The following WFDC1 variants were observed in gnomAD, a reference collection of about 807,000 sequenced individuals.
The protein encoded by WFDC1 is WAP four-disulfide core domain 1, also known as WAP four-disulfide core domain protein 1.
WFDC1 carries 39 observed loss-of-function variants against 32.9 expected under a neutral mutation model. That is an observed-to-expected ratio of 1.19 (90% CI 0.92 to 1.55). The LOEUF is 1.55. Ranked by LOEUF, WFDC1 falls within the 40% of genes most tolerant of loss-of-function variation. The pLI is 0.00. For synonymous variants in WFDC1, 184 were observed against 137.4 expected (o/e 1.34, Z -2.37); for missense variants, 386 against 309.5 (o/e 1.25, Z -1.85).
intron 2 of WFDC1, 151 bp downstream of exon 2, chr16:84,313,304 C>A (rs945219492): frequency 2.2e-5 from 14 of 647,256 alleles, no homozygotes; most frequent in Non-Finnish European, 2.8e-5. Context: ...CTGGGACGGG[C>A]GCTCCTTGAG....
At chr16:84,305,618 T>C (rs1001161852) in intron 1 of WFDC1, among the ~76,000 whole-genome samples, 1 of 152,008 alleles carries the variant, frequency 6.6e-6, no homozygotes, top group Non-Finnish European at 1.5e-5. Context: ...TGGGAGTGAA[T>C]TGAGGGAGGA....
intron 1 of WFDC1, among the ~76,000 whole-genome samples, chr16:84,297,233 A>G (rs1323545305): frequency 6.6e-6 from 1 of 152,086 alleles, no homozygotes; most frequent in Non-Finnish European, 1.5e-5. Context: ...AGTGCTTTGA[A>G]TTGGCTCCTC....
chr16:84,321,471 C>T (rs902234002), intron 4 of WFDC1, among the ~76,000 whole-genome samples: 1 of 152,128 alleles, frequency 6.6e-6, no homozygotes, highest in Non-Finnish European at 1.5e-5. Context: ...GTTGTGAGTT[C>T]GTTGGGCTAT....
chr16:84,322,672 A>C (rs1379673084), intron 4 of WFDC1, among the ~76,000 whole-genome samples: 1 of 152,228 alleles, frequency 6.6e-6, no homozygotes, highest in African/African-American at 2.4e-5. Flanking sequence ...GGGTACCAAT[A>C]GTCCTTCAAG....
chr16:84,294,906 C>G lies in WFDC1; in HGVS notation c.-66C>G. The G allele has an allele frequency of 6.4e-7, 1 of 1,567,706 alleles. No homozygotes were observed. Among genetic ancestry groups the G allele is most frequent in the Non-Finnish European group, 8.6e-7 (1 of 1,157,576 alleles). On this transcript the variant is annotated 5_prime_UTR_variant, in exon 1 of 7. Transcript: ENST00000219454. ...CTGTGCACGCTCCTGTCCCCACTCA[C>G]AGGCCCACGCAGCGAGGGGGGCCCC... is the stretch of plus-strand genomic sequence containing the variant.
intron 5 of WFDC1, chr16:84,325,827 CATCT>C (rs1011251198): frequency 6.6e-6 from 1 of 152,200 alleles, no homozygotes; most frequent in African/African-American, 2.4e-5. Context: ...TATATCCACT[CATCT>C]ATTTGCCCGT....
At chr16:84,322,145 C>CTGTGTGTGTGTGAGTGTG in intron 4 of WFDC1, among the ~76,000 whole-genome samples, 1 of 109,460 alleles carries the variant, frequency 9.1e-6, no homozygotes, top group East Asian at 2.3e-4. Context: ...GCCTCAGAGC[C>CTGTGTGTGTGTGAGTGTG]TGTGTGTGTG....
intron 1 of WFDC1, among the ~76,000 whole-genome samples, chr16:84,297,642 A>AG (rs1567648448): frequency 2.5e-5 from 3 of 119,776 alleles, no homozygotes; most frequent in Non-Finnish European, 5.6e-5. Context: ...AAAAAAAAAA[A>AG]AAAAACTGTG....
chr16:84,301,588 G>C (rs1386714780), intron 1 of WFDC1, among the ~76,000 whole-genome samples: 1 of 152,158 alleles, frequency 6.6e-6, no homozygotes, highest in Non-Finnish European at 1.5e-5. Flanking sequence ...CAGCACCCAG[G>C]AGGGGGTCTT....
intron 2 of WFDC1, among the ~76,000 whole-genome samples, chr16:84,315,899 C>T (rs1392619164): frequency 6.6e-6 from 1 of 152,112 alleles, no homozygotes; most frequent in Non-Finnish European, 1.5e-5. Context: ...GGGAGGTGAT[C>T]CCAGGTAGTT....
chr16:84,320,434 C>G (rs899435160), intron 4 of WFDC1, among the ~76,000 whole-genome samples: 11 of 152,216 alleles, frequency 7.2e-5, no homozygotes, highest in African/African-American at 2.4e-4. Context: ...TCTGCCAGGA[C>G]TGTTCAGTTT....
intron 1 of WFDC1, among the ~76,000 whole-genome samples, chr16:84,311,818 T>G (rs13337979): frequency 0.76 from 114,828 of 151,072 alleles, 44,406 homozygotes; most frequent in East Asian, 0.99. Flanking sequence ...GATTATACGC[T>G]TGTGTGCCAC....
intron 1 of WFDC1, among the ~76,000 whole-genome samples, chr16:84,306,480 G>A (rs1597669190): frequency 6.6e-6 from 1 of 152,212 alleles, no homozygotes; most frequent in South Asian, 2.1e-4. Context: ...GGATGGCCGA[G>A]TCCAGCTTTA....
chr16:84,302,500 A>AGTGTCCGCTCACG (rs1906999578), intron 1 of WFDC1, among the ~76,000 whole-genome samples: 1 of 151,208 alleles, frequency 6.6e-6, no homozygotes, highest in Non-Finnish European at 1.5e-5. Flanking sequence ...CCTCTCAGCA[A>AGTGTCCGCTCACG]GTGTCCGCTC....
intron 1 of WFDC1, among the ~76,000 whole-genome samples, chr16:84,308,278 G>C: frequency 6.6e-6 from 1 of 152,082 alleles, no homozygotes; most frequent in East Asian, 1.9e-4. Context: ...ATTCCCAGGG[G>C]CACCCGGCCC....
At position 84,326,898 on chromosome 16, in the gene WFDC1, T is replaced by C; in HGVS notation, c.621T>C (p.Asn207=). ...TTTTCACAGAAGGTGACTCAAAGAA[T>C]GTGGCAGAACCTGGAAGGGGACAAC... ...YKEYPEGDSK[N]VAEPGRGQQK... is the part of the protein sequence containing the mutation. Residue 207 remains asparagine (N), a synonymous_variant, in exon 6 of 7, where the codon AAT becomes AAC. Coordinates refer to ENST00000219454, the MANE Select transcript of WFDC1 (RefSeq NM_021197.4). 1 of 1,614,022 alleles carries C rather than the reference T, an allele frequency of 6.2e-7. No individual in the cohort carries two copies. The highest frequency in any genetic ancestry group is 8.5e-7 in the Non-Finnish European group (1 of 1,180,026).
chr16:84,324,528 A>G, intron 5 of WFDC1, 68 bp downstream of exon 5: 1 of 1,555,046 alleles, frequency 6.4e-7, no homozygotes, highest in South Asian at 1.2e-5. Flanking sequence ...TTCTTATGTG[A>G]AGAAAAAAAT....
intron 5 of WFDC1, among the ~76,000 whole-genome samples, chr16:84,325,270 T>G (rs1216012099): frequency 6.6e-6 from 1 of 151,912 alleles, no homozygotes; most frequent in Non-Finnish European, 1.5e-5. Flanking sequence ...TGGAGTAATC[T>G]TGGCTCACTG....
At chr16:84,315,618 G>A (rs985205460) in intron 2 of WFDC1, among the ~76,000 whole-genome samples, 2 of 152,180 alleles carry the variant, frequency 1.3e-5, no homozygotes, top group Non-Finnish European at 2.9e-5. Flanking sequence ...GCTGGGCAGG[G>A]GGGCGCTCTC....
Sources: allele counts gnomAD v4.1 joint callset (sites outside exome capture counted in the v4.1 genomes callset), GRCh38; gene constraint gnomAD v4.1.1; transcripts MANE v1.5; gene names NCBI Gene and HGNC (gene_info 2026-07-23, HGNC 2026-07-21).